Variants in MVB12B observed in about 807,000 individuals in gnomAD.
MVB12B encodes the protein ESCRT-I complex subunit MVB12B.
In MVB12B, 16 loss-of-function variants were observed where a neutral mutation model predicts 41.6. That is an observed-to-expected ratio of 0.38 (90% confidence interval 0.26 to 0.58). MVB12B has a LOEUF of 0.58. Ranked by LOEUF, MVB12B falls within the 20% of genes least tolerant of loss-of-function variation. MVB12B has a pLI of 0.62. For synonymous variants in MVB12B, 133 were observed against 139.7 expected, an observed-to-expected ratio of 0.95 and a Z score of 0.34; for missense variants, 274 against 380.2, an observed-to-expected ratio of 0.72 and a Z score of 2.32.
intron 9 of MVB12B, among the ~76,000 whole-genome samples, chr9:126,499,750 G>GAT (rs1474365652): frequency 1.4e-5 from 2 of 146,798 alleles, no homozygotes; most frequent in Non-Finnish European, 3.1e-5. Context: ...CTCCAGCCAA[G>GAT]ATAACCTAAA....
intron 9 of MVB12B, among the ~76,000 whole-genome samples, chr9:126,489,043 G>A (rs543146264): frequency 6.6e-6 from 1 of 152,340 alleles, no homozygotes; most frequent in African/African-American, 2.4e-5. Context: ...TTGACAAACA[G>A]GGTGTCACTT....
chr9:126,465,749 T>C (rs1442715465), intron 7 of MVB12B, among the ~76,000 whole-genome samples: 1 of 151,892 alleles, frequency 6.6e-6, no homozygotes, highest in Non-Finnish European at 1.5e-5. Context: ...CTGCACATCA[T>C]TGGGATGGTA....
chr9:126,452,431 C>T (rs991675664), intron 7 of MVB12B, among the ~76,000 whole-genome samples: 7 of 152,196 alleles, frequency 4.6e-5, no homozygotes, highest in African/African-American at 7.2e-5. Context: ...TGCGGGCCCA[C>T]GGGGTTGCCT....
intron 9 of MVB12B, among the ~76,000 whole-genome samples, chr9:126,502,908 A>C (rs1833988879): frequency 6.6e-6 from 1 of 152,194 alleles, no homozygotes. Context: ...CTGGCCTCAC[A>C]GGGAGCAGGC....
chr9:126,439,271 G>T (rs1229052388), intron 7 of MVB12B, among the ~76,000 whole-genome samples: 2 of 151,598 alleles, frequency 1.3e-5, no homozygotes, highest in Admixed American at 1.3e-4. Flanking sequence ...GGGTCCGCTG[G>T]GGGTGGGGGC....
At position 126,473,085 on chromosome 9, in the gene MVB12B, C is replaced by T. The variant is rs893033780; in HGVS notation, c.758-8284C>T. Reference sequence around the variant, plus strand: ...AGGGTTAGGTGACCAGCCCTCCCTACGTGGTGGGTGCTTTATCTCTGTCGT... The same window carrying T: ...AGGGTTAGGTGACCAGCCCTCCCTATGTGGTGGGTGCTTTATCTCTGTCGT... On this transcript the variant is annotated intron_variant, in intron 7 of 9. Transcript: ENST00000361171. This position sits in a 1 kb window ranked among gnomAD's most constrained non-coding sequence, Gnocchi z 4.0. 6.6e-6 allele frequency among the ~76,000 whole-genome samples: 1 copy of T among 152,214 alleles called. No homozygotes were observed. The highest frequency in any genetic ancestry group is 2.4e-5 in the African/African-American group (1 of 41,454).
Position 126,386,508 on chromosome 9 carries a change from C to G in MVB12B, c.313-54C>G. ...GCATCTGGAAGCCAAAATGGCAAAC[C>G]CACCACATGCATGTTCAGATTAATA... On this transcript the variant is annotated intron_variant, in intron 3 of 9. Transcript: ENST00000361171. The surrounding 1 kb of genome is among the most constrained non-coding windows in gnomAD (Gnocchi z 4.3). The G allele has an allele frequency of 7.1e-7, 1 of 1,411,764 alleles. No homozygotes were observed. Among genetic ancestry groups the G allele is most frequent in the Non-Finnish European group, 1.0e-6 (1 of 1,001,298 alleles). 87.5% of individuals were successfully genotyped at this position (1,411,764 alleles called of 1,614,324 possible). A position where few individuals can be genotyped will look rare whatever the true frequency, so the allele number is the denominator to read the frequency against.
intron 6 of MVB12B, chr9:126,396,413 T>G: frequency 1.0e-6 from 1 of 985,334 alleles, no homozygotes; most frequent in Non-Finnish European, 1.2e-6. Flanking sequence ...CAAAAGTAAA[T>G]AAAACAAGAA....
chr9:126,404,174 C>T (rs1161449766), intron 6 of MVB12B, among the ~76,000 whole-genome samples: 3 of 151,966 alleles, frequency 2.0e-5, no homozygotes, highest in Admixed American at 2.0e-4. Context: ...AGGCTGGTCT[C>T]GAACTCCTGA....
chr9:126,453,684 G>A (rs899987184), intron 7 of MVB12B, among the ~76,000 whole-genome samples: 6 of 152,260 alleles, frequency 3.9e-5, no homozygotes, highest in South Asian at 2.1e-4. Flanking sequence ...TCTCACATGC[G>A]TTACGTGGCA....
intron 6 of MVB12B, among the ~76,000 whole-genome samples, chr9:126,419,975 C>T (rs984558094): frequency 5.4e-4 from 82 of 151,200 alleles, no homozygotes; most frequent in Non-Finnish European, 2.5e-4. Flanking sequence ...GGCGCCCTTT[C>T]CATCTGGCCC....
In MVB12B at chr9:126,505,367, T is replaced by TG. The variant is rs1362677752; in HGVS notation, c.*2108dup. Reference sequence around the variant, plus strand: ...ATGCCGCTGCAGGCCCCTGTCGAGCTGGGGTCCCAGCCAGGTGCCCCCGCA... The same window carrying TG: ...ATGCCGCTGCAGGCCCCTGTCGAGCTGGGGGTCCCAGCCAGGTGCCCCCGCA... On this transcript the variant is annotated 3_prime_UTR_variant, in exon 10 of 10. Transcript: ENST00000361171. 2.6e-5 allele frequency: 4 copies of TG among 152,212 alleles called. No individual in the cohort carries two copies. The highest frequency in any genetic ancestry group is 4.4e-5 in the Non-Finnish European group (3 of 68,028). 9.4% of individuals were successfully genotyped at this position (152,212 alleles called of 1,614,324 possible).
In MVB12B at chr9:126,397,060, G is replaced by T. The variant is rs907539186; in HGVS notation, c.662+1363G>T. 4 of 985,376 alleles carry T rather than the reference G, an allele frequency of 4.1e-6. No individual in the cohort carries two copies. The African/African-American group carries it at 7.0e-5, about 17-fold the overall frequency. 61.0% of individuals were successfully genotyped at this position (985,376 alleles called of 1,614,324 possible). ...GCTAAGTCCATCACCTGTGTGTCGG[G>T]GTCCTCCATCACCTGTGCTGAGGCC... On this transcript the variant is annotated intron_variant, in intron 6 of 9. Transcript: ENST00000361171.
At chr9:126,431,735 G>A (rs1176853214) in intron 7 of MVB12B, among the ~76,000 whole-genome samples, 2 of 152,166 alleles carry the variant, frequency 1.3e-5, no homozygotes, top group Non-Finnish European at 1.5e-5. Flanking sequence ...GGATGAAGCA[G>A]GGTGGGAGCC....
intron 7 of MVB12B, among the ~76,000 whole-genome samples, chr9:126,429,236 CCTGA>C (rs1334795273): frequency 1.3e-5 from 2 of 152,068 alleles, no homozygotes; most frequent in African/African-American, 2.4e-5. Context: ...CTCCTCTTGC[CCTGA>C]CTGACAACAA....
At chr9:126,387,661 T>C (rs572309474) in intron 4 of MVB12B, among the ~76,000 whole-genome samples, 1 of 152,374 alleles carries the variant, frequency 6.6e-6, no homozygotes, top group East Asian at 1.9e-4. Flanking sequence ...TTTTTGTCAT[T>C]TATTATTTTA....
At chr9:126,375,955 C>T (rs1301040808) in intron 2 of MVB12B, among the ~76,000 whole-genome samples, 1 of 152,034 alleles carries the variant, frequency 6.6e-6, no homozygotes. Flanking sequence ...TCGGTTCTTT[C>T]GTTTTGGGGT....
At chr9:126,435,228 A>G (rs1465512586) in intron 7 of MVB12B, among the ~76,000 whole-genome samples, 1 of 152,188 alleles carries the variant, frequency 6.6e-6, no homozygotes, top group Non-Finnish European at 1.5e-5. Flanking sequence ...TATTCCAGGG[A>G]ATTGCTGCTT....
chr9:126,396,943 C>T (rs977455811), intron 6 of MVB12B: 22 of 985,456 alleles, frequency 2.2e-5, no homozygotes, highest in Middle Eastern at 5.2e-4. Flanking sequence ...TGAGCCAGAG[C>T]GCTGTCAGCT....
Sources: gnomAD v4.1 joint callset for allele counts (sites outside exome capture counted in the v4.1 genomes callset) on GRCh38, gnomAD v4.1.1 for gene constraint, Gnocchi (gnomAD v3.1) non-coding constraint, MANE v1.5 for transcripts, NCBI Gene and HGNC (gene_info 2026-07-23, HGNC 2026-07-21) for gene names.